NOL7: variants seen among roughly 807,000 people sequenced by gnomAD.
NOL7 encodes the protein nucleolar protein 7.
A neutral mutation model predicts 38.4 loss-of-function variants in NOL7; 36 were observed. That is an observed-to-expected ratio of 0.94 (90% CI 0.72 to 1.24). The LOEUF is 1.24. NOL7 is among the 50% of genes most tolerant of loss of function. The probability of loss-of-function intolerance (pLI) is 0.00; values close to 1 mark genes in which losing one functional copy is unlikely to be tolerated. For synonymous variants in NOL7, 142 were observed against 126.5 expected, an observed-to-expected ratio of 1.12 and a Z score of -0.82; for missense variants, 350 against 315.1, an observed-to-expected ratio of 1.11 and a Z score of -0.84.
In NOL7 at chr6:13,620,292, T is replaced by A. The variant is rs769503951; in HGVS notation, c.585T>A (p.His195Gln). Residue 195 changes from histidine (H) to glutamine (Q), a missense_variant, in exon 6 of 8, where the codon CAT becomes CAA. Coordinates refer to ENST00000451315, the MANE Select transcript of NOL7 (RefSeq NM_016167.5). ...SRQQAAQAFI[H>Q]NSLYGPGTNR... Reference sequence around the variant, plus strand: ...AACAAGCAGCACAAGCCTTCATACATAATTCATTATATGGGCCAGGAACCA... The same window carrying A: ...AACAAGCAGCACAAGCCTTCATACAAAATTCATTATATGGGCCAGGAACCA... 1.2e-6 allele frequency: 2 copies of A among 1,614,240 alleles called. No homozygotes were observed. The highest frequency in any genetic ancestry group is 1.7e-6 in the Non-Finnish European group (2 of 1,180,034).
intron 5 of NOL7, among the ~76,000 whole-genome samples, chr6:13,619,713 T>C (rs542120735): frequency 6.6e-6 from 1 of 152,352 alleles, no homozygotes; most frequent in South Asian, 2.1e-4. Flanking sequence ...GAGATGCTGA[T>C]TGTTCAACTG....
At chr6:13,627,653 A>T (rs1584907709) in intron 8 of NOL7, among the ~76,000 whole-genome samples, 1 of 151,680 alleles carries the variant, frequency 6.6e-6, no homozygotes, top group East Asian at 1.9e-4. Flanking sequence ...AAAAAAAAAA[A>T]ATCACGTTAT....
At chr6:13,630,144 T>C (rs1316580077) in intron 8 of NOL7, among the ~76,000 whole-genome samples, 1 of 152,174 alleles carries the variant, frequency 6.6e-6, no homozygotes, top group Non-Finnish European at 1.5e-5. Context: ...GGTGGGTCAG[T>C]TGCTCACCTT....
In NOL7 at chr6:13,615,549, C is replaced by G; in HGVS notation, c.191C>G (p.Pro64Arg). ...GACGATGAGTTTGACGATGAGGCCCCGGAGGAGCTGACTTTCGCCAGCGCC... is the reference window on the plus strand; with the variant it reads ...GACGATGAGTTTGACGATGAGGCCCGGGAGGAGCTGACTTTCGCCAGCGCC... ...EGDDEFDDEAPEELTFASAQA... is the reference protein window; with the variant it reads ...EGDDEFDDEAREELTFASAQA... Residue 64 changes from proline to arginine, a missense_variant, in exon 1 of 8, where the codon CCG becomes CGG. Coordinates refer to ENST00000451315, the MANE Select transcript of NOL7 (RefSeq NM_016167.5). 1 of 1,561,306 alleles carries G rather than the reference C, an allele frequency of 6.4e-7. No individual in the cohort carries two copies.
At chr6:13,629,560 C>G (rs1764717053) in intron 8 of NOL7, among the ~76,000 whole-genome samples, 1 of 152,136 alleles carries the variant, frequency 6.6e-6, no homozygotes, top group African/African-American at 2.4e-5. Flanking sequence ...GAATCTGGAG[C>G]AGTTTCTAAA....
chr6:13,617,966 G>T (rs1207098668), intron 4 of NOL7, 92 bp from the exon 5 acceptor site: 13 of 940,718 alleles, frequency 1.4e-5, no homozygotes, highest in Non-Finnish European at 2.2e-5. Flanking sequence ...CATCCACATT[G>T]GTGTGTAGTG....
downstream of NOL7, chr6:13,622,613 C>T: frequency 9.2e-7 from 1 of 1,085,710 alleles, no homozygotes; most frequent in Middle Eastern, 2.3e-4. Context: ...TCTGAAATAT[C>T]AGCAAATGAA....
In NOL7 at chr6:13,616,509, C is replaced by A; in HGVS notation, c.374C>A (p.Ala125Asp). Residue 125 changes from alanine (A) to aspartate (D), a missense_variant, in exon 3 of 8, where the codon GCT becomes GAT. By Grantham distance (126) the Ala-to-Asp change is moderately radical. Coordinates refer to ENST00000451315, the MANE Select transcript of NOL7 (RefSeq NM_016167.5). Reference protein sequence around the residue: ...PDTILEKLTTASQTNIKKSPG... With the variant: ...PDTILEKLTTDSQTNIKKSPG... ...ACTATTTTGGAGAAGTTAACCACAG[C>A]TTCACAGACTAAGTAAGTAATGGAT... The A allele has an allele frequency of 6.2e-7, 1 of 1,606,602 alleles. No homozygotes were observed. Among genetic ancestry groups the A allele is most frequent in the South Asian group, 1.1e-5 (1 of 89,682 alleles).
downstream of NOL7, among the ~76,000 whole-genome samples, chr6:13,624,227 T>C (rs1764536603): frequency 1.3e-5 from 2 of 152,206 alleles, no homozygotes; most frequent in South Asian, 4.1e-4. Context: ...AATTAATAAA[T>C]TTTCTAAGGG....
At chr6:13,621,817 T>C (rs1423899065), downstream of NOL7, 1 of 152,642 alleles carries the variant, frequency 6.6e-6, no homozygotes, top group Non-Finnish European at 1.5e-5. Flanking sequence ...GCAACAAACA[T>C]ATTCACTCAG....
intron 8 of NOL7, among the ~76,000 whole-genome samples, chr6:13,628,009 AC>A (rs1764669283): frequency 6.6e-6 from 1 of 152,180 alleles, no homozygotes; most frequent in Non-Finnish European, 1.5e-5. Context: ...GTGTTTAAAA[AC>A]TCAGAGAAAA....
chr6:13,620,388 T>A lies in NOL7; in HGVS notation c.623-20T>A. On this transcript the variant is annotated intron_variant, in intron 6 of 7. Coordinates refer to ENST00000451315, the MANE Select transcript of NOL7 (RefSeq NM_016167.5). Reference sequence around the variant, plus strand: ...TACTGCAAATAAAACTGTGAAATGATAAATACCTTTCTTTTCTAGTAAATA... The same window carrying A: ...TACTGCAAATAAAACTGTGAAATGAAAAATACCTTTCTTTTCTAGTAAATA... 1 of 1,613,968 alleles carries A rather than the reference T, an allele frequency of 6.2e-7. No individual in the cohort carries two copies. The highest frequency in any genetic ancestry group is 1.1e-5 in the South Asian group (1 of 91,080).
At chr6:13,628,661 C>T (rs538685012) in intron 8 of NOL7, among the ~76,000 whole-genome samples, 12 of 152,140 alleles carry the variant, frequency 7.9e-5, no homozygotes, top group Non-Finnish European at 1.5e-4. Flanking sequence ...AACTCCCAGT[C>T]GTAAACATCT....
Position 13,620,944 on chromosome 6 carries a change from A to G in NOL7, c.*117A>G. 1 of 641,806 alleles carries G rather than the reference A, an allele frequency of 1.6e-6. No homozygotes were observed. The highest frequency in any genetic ancestry group is 2.5e-5 in the South Asian group (1 of 40,058). The allele number at this position is 641,806 out of a possible 1,614,324, so 39.8% of individuals were successfully genotyped here. On this transcript the variant is annotated 3_prime_UTR_variant, in exon 8 of 8. Transcript: ENST00000451315. ...CATAAACCTATTTGAGGAAGTGCTCAACCACATTTCATTCTTCTGGAGTAG... is the reference window on the plus strand; with the variant it reads ...CATAAACCTATTTGAGGAAGTGCTCGACCACATTTCATTCTTCTGGAGTAG...
intron 5 of NOL7, among the ~76,000 whole-genome samples, chr6:13,619,903 T>C (rs1411872570): frequency 6.6e-6 from 1 of 152,222 alleles, no homozygotes; most frequent in East Asian, 1.9e-4. Context: ...ATGCCTGTAA[T>C]CCCAGCACTT....
At position 13,615,418 on chromosome 6, in the gene NOL7, C is replaced by T; in HGVS notation, c.60C>T (p.Asp20=). 6.5e-7 allele frequency: 1 copy of T among 1,545,342 alleles called. No homozygotes were observed. ...CGGCGTCGGCGGAGGCGATGGTGGA[C>T]GAGGGCCAGCTGGCCTCGGAGGAGG... ...RAPASAEAMV[D]EGQLASEEEE... is the part of the protein sequence containing the mutation. The change falls in exon 1 of 8, where the codon GAC becomes GAT. Residue 20 remains aspartate, a synonymous_variant. Coordinates refer to ENST00000451315, the MANE Select transcript of NOL7 (RefSeq NM_016167.5).
downstream of NOL7, chr6:13,622,223 A>C (rs1184367202): frequency 3.6e-6 from 3 of 830,574 alleles, no homozygotes; most frequent in Non-Finnish European, 5.0e-6. Flanking sequence ...TCATGCTGTA[A>C]ACTAGGAAGC....
intron 8 of NOL7, among the ~76,000 whole-genome samples, chr6:13,629,917 CTCTCGT>C (rs756666065): frequency 6.7e-4 from 84 of 124,462 alleles, no homozygotes; most frequent in African/African-American, 1.3e-3. Flanking sequence ...CTCTCTCTCT[CTCTCGT>C]GTGTGTGTGT....
intron 8 of NOL7, among the ~76,000 whole-genome samples, chr6:13,632,110 A>C (rs1293216726): frequency 9.1e-6 from 1 of 109,812 alleles, no homozygotes; most frequent in Non-Finnish European, 1.8e-5. Context: ...TAGCACTGGG[A>C]TTTAATCCTT....
Sources: allele counts gnomAD v4.1 joint callset (sites outside exome capture counted in the v4.1 genomes callset), GRCh38; gene constraint gnomAD v4.1.1; transcripts MANE v1.5; gene names NCBI Gene and HGNC (gene_info 2026-07-23, HGNC 2026-07-21).